The following CTNNA3 variants were observed in gnomAD, a reference collection of about 807,000 sequenced individuals.
CTNNA3 encodes the protein catenin alpha 3, also known as catenin alpha-3.
A neutral mutation model predicts 95.7 loss-of-function variants in CTNNA3; 76 were observed. The ratio of observed to expected loss-of-function variants is 0.79; its 90% CI spans 0.66 to 0.96. CTNNA3 has a LOEUF of 0.96. Ranked by LOEUF, CTNNA3 falls within the 40% of genes least tolerant of loss-of-function variation. The pLI is 0.00. For missense variants in CTNNA3, 1,191 were observed against 1,089.8 expected (o/e 1.09, Z -1.31); for synonymous variants, 431 against 374.4 (o/e 1.15, Z -1.74).
chr10:67,370,487 T>A (rs956750514), intron 5 of CTNNA3, among the ~76,000 whole-genome samples: 6 of 152,208 alleles, frequency 3.9e-5, no homozygotes, highest in Admixed American at 2.6e-4. Context: ...CTTGCAGGCA[T>A]GTGTTTGCAT....
chr10:66,508,959 C>T (rs984864987), intron 11 of CTNNA3, among the ~76,000 whole-genome samples: 4 of 152,098 alleles, frequency 2.6e-5, no homozygotes, highest in African/African-American at 9.7e-5. Flanking sequence ...GAGGAACCTC[C>T]ACACTCTTCT....
intron 5 of CTNNA3, among the ~76,000 whole-genome samples, chr10:67,387,442 C>T (rs185646553): frequency 2.8e-3 from 419 of 152,254 alleles, no homozygotes; most frequent in Non-Finnish European, 4.0e-3. Flanking sequence ...GCTAGCACGG[C>T]AGTCTGAGAT....
chr10:67,728,911 T>C (rs1161104592), intron 1 of CTNNA3, among the ~76,000 whole-genome samples: 3 of 152,108 alleles, frequency 2.0e-5, no homozygotes, highest in Non-Finnish European at 4.4e-5. Flanking sequence ...CACTACTCAC[T>C]ACAGCTAACC....
chr10:67,044,927 T>C (rs544962401), intron 7 of CTNNA3, among the ~76,000 whole-genome samples: 1 of 152,290 alleles, frequency 6.6e-6, no homozygotes, highest in East Asian at 1.9e-4. Flanking sequence ...AAAACGGGGA[T>C]AACCAGAAGC....
intron 15 of CTNNA3, among the ~76,000 whole-genome samples, chr10:66,060,140 G>T (rs1404666445): frequency 6.6e-6 from 1 of 151,944 alleles, no homozygotes; most frequent in Non-Finnish European, 1.5e-5. Context: ...CCTGTCTTCT[G>T]CTCACATCAG....
intron 7 of CTNNA3, among the ~76,000 whole-genome samples, chr10:66,831,232 C>T (rs1842710435): frequency 6.6e-6 from 1 of 152,114 alleles, no homozygotes; most frequent in South Asian, 2.1e-4. Flanking sequence ...TCTTTAAACT[C>T]CCCAGTGATT....
intron 15 of CTNNA3, among the ~76,000 whole-genome samples, chr10:66,048,114 G>GA (rs1050026413): frequency 2.6e-5 from 4 of 151,704 alleles, no homozygotes; most frequent in Admixed American, 6.6e-5. Context: ...CACAGAACTA[G>GA]AAAAAAAACT....
At chr10:65,974,124 C>T (rs2078163532) in intron 16 of CTNNA3, among the ~76,000 whole-genome samples, 1 of 152,140 alleles carries the variant, frequency 6.6e-6, no homozygotes, top group African/African-American at 2.4e-5. Context: ...AAAGGGAACA[C>T]TTTATAAACT....
chr10:66,374,606 C>CT (rs58880058), intron 12 of CTNNA3, among the ~76,000 whole-genome samples: 1,517 of 88,124 alleles, frequency 0.017, 162 homozygotes, highest in African/African-American at 0.043. Flanking sequence ...AAAGAAAAGC[C>CT]TTTTTTTTTT....
At chr10:67,231,474 A>G (rs1194630775) in intron 5 of CTNNA3, among the ~76,000 whole-genome samples, 2 of 152,200 alleles carry the variant, frequency 1.3e-5, no homozygotes, top group African/African-American at 4.8e-5. Context: ...CCTGTCTGTT[A>G]GAAGGAAAAC....
chr10:66,658,212 T>C (rs547842815), intron 9 of CTNNA3, among the ~76,000 whole-genome samples: 1 of 132,564 alleles, frequency 7.5e-6, no homozygotes, highest in Non-Finnish European at 1.6e-5. Flanking sequence ...GACTAGAAAA[T>C]TCTCTCTCTC....
chr10:66,459,885 G>A (rs948597664), intron 11 of CTNNA3, among the ~76,000 whole-genome samples: 3 of 151,994 alleles, frequency 2.0e-5, no homozygotes, highest in African/African-American at 7.2e-5. Context: ...ACTGCATTTA[G>A]TAATTATTTA....
intron 13 of CTNNA3, among the ~76,000 whole-genome samples, chr10:66,210,389 G>T (rs986845363): frequency 6.6e-6 from 1 of 151,218 alleles, no homozygotes; most frequent in Non-Finnish European, 1.5e-5. Context: ...TTGAGTCCAG[G>T]GTTCTTGCAT....
intron 1 of CTNNA3, chr10:67,648,675 A>G: frequency 9.2e-7 from 1 of 1,090,244 alleles, no homozygotes. Context: ...GTTTCAAATT[A>G]CTGTTATTGG....
At chr10:66,967,411 C>A (rs763536996) in intron 7 of CTNNA3, among the ~76,000 whole-genome samples, 1 of 151,450 alleles carries the variant, frequency 6.6e-6, no homozygotes, top group Admixed American at 6.6e-5. Flanking sequence ...TATATACACA[C>A]ATGCATATAT....
chr10:66,444,887 TAAAG>T (rs1429529831), intron 11 of CTNNA3, among the ~76,000 whole-genome samples: 1 of 152,016 alleles, frequency 6.6e-6, no homozygotes, highest in African/African-American at 2.4e-5. Context: ...GCAAATTGGA[TAAAG>T]AGTCAAGACC....
At chr10:67,514,031 C>T (rs1839726318) in intron 5 of CTNNA3, among the ~76,000 whole-genome samples, 1 of 152,130 alleles carries the variant, frequency 6.6e-6, no homozygotes. Flanking sequence ...ACAGTTGGGG[C>T]CAGGCACAGT....
intron 3 of CTNNA3, among the ~76,000 whole-genome samples, chr10:67,584,701 T>C (rs2133331010): frequency 6.6e-6 from 1 of 152,310 alleles, no homozygotes; most frequent in East Asian, 1.9e-4. Flanking sequence ...CTCCTTGAGC[T>C]GCAGTGGGCT....
chr10:66,392,633 A>G (rs1309357475), intron 11 of CTNNA3, among the ~76,000 whole-genome samples: 1 of 152,118 alleles, frequency 6.6e-6, no homozygotes, highest in Non-Finnish European at 1.5e-5. Context: ...AAGGACACAA[A>G]AACATGGTCA....
Sources: gnomAD v4.1 joint callset for allele counts (sites outside exome capture counted in the v4.1 genomes callset) on GRCh38, gnomAD v4.1.1 for gene constraint, MANE v1.5 for transcripts, NCBI Gene and HGNC (gene_info 2026-07-23, HGNC 2026-07-21) for gene names.